Variants in FTCD observed in about 807,000 individuals in gnomAD.
The protein encoded by FTCD is formimidoyltransferase cyclodeaminase, also known as formimidoyltransferase-cyclodeaminase.
Under a neutral mutation model 62.9 loss-of-function variants are expected in FTCD, and 76 were observed. The ratio of observed to expected loss-of-function variants is 1.21; its 90% CI spans 1.00 to 1.46. The LOEUF (loss-of-function observed/expected upper bound fraction) is 1.46, where lower values mean the gene tolerates loss of function less well. Among genes scored for constraint, FTCD ranks in the 40% most tolerant of loss-of-function variants. The probability of loss-of-function intolerance (pLI) is 0.00; values close to 1 mark genes in which losing one functional copy is unlikely to be tolerated. For synonymous variants in FTCD, 397 were observed against 336.9 expected, an observed-to-expected ratio of 1.18 and a Z score of -1.95; for missense variants, 845 against 751.3, an observed-to-expected ratio of 1.12 and a Z score of -1.46.
chr21:46,136,543 C>T, downstream of FTCD: 1 of 1,604,812 alleles, frequency 6.2e-7, no homozygotes, highest in Non-Finnish European at 8.5e-7. Context: ...CAAGGGGCCT[C>T]ACAGCCCAGG....
chr21:46,141,333 T>A (rs1455885842), intron 10 of FTCD, among the ~76,000 whole-genome samples: 28 of 151,220 alleles, frequency 1.9e-4, no homozygotes, highest in Admixed American at 1.8e-3. Context: ...GGTGGGTAAA[T>A]ACAGGGTCTT....
rs766229264 is a variant in FTCD at position 46,138,666 on chromosome 21, A to T, written c.1305-20T>A. ...GTGCGCCTGAAAGGAGCAAGAGGAGAGCCTGAGCACAGCGGCACACACAGG... is the reference window on the plus strand; with the variant it reads ...GTGCGCCTGAAAGGAGCAAGAGGAGTGCCTGAGCACAGCGGCACACACAGG... On this transcript the variant is annotated intron_variant, in intron 11 of 13. Coordinates refer to ENST00000397746, the MANE Select transcript of FTCD (RefSeq NM_206965.2). The T allele has an allele frequency of 6.3e-7, 1 of 1,595,572 alleles. No homozygotes were observed. Among genetic ancestry groups the T allele is most frequent in the African/African-American group, 1.3e-5 (1 of 74,934 alleles).
chr21:46,146,709 A>C (rs2079156458), intron 7 of FTCD: 3 of 309,200 alleles, frequency 9.7e-6, no homozygotes, highest in Admixed American at 4.5e-5. Context: ...CCAAGTCTTC[A>C]CATCTAACAA....
At chr21:46,152,330 G>C (rs4819208) in intron 3 of FTCD, 1 of 254,178 alleles carries the variant, frequency 3.9e-6, no homozygotes. Context: ...CGGCAGAGAA[G>C]AGGAAAAACT....
rs185635683 is a variant in FTCD at position 46,141,611 on chromosome 21, A to C, written c.1261-2688T>G. On this transcript the variant is annotated intron_variant, in intron 10 of 13. Transcript: ENST00000397746. ...TATAAAGTCAGGATTGACACATTCC[A>C]CGACATAAAGATTAAGAGTCATTGT... Among the ~76,000 whole-genome samples the C allele has an allele frequency of 3.3e-5, 5 of 152,190 alleles. No individual in the cohort carries two copies. The East Asian group carries it at 9.7e-4, about 29-fold the overall frequency.
chr21:46,146,236 T>G, intron 8 of FTCD, 30 bp downstream of exon 8: 1 of 1,512,186 alleles, frequency 6.6e-7, no homozygotes, highest in Non-Finnish European at 9.1e-7. Context: ...CCGGGAGGGG[T>G]GAGAAGAGGG....
intron 7 of FTCD, 39 bp from the exon 8 acceptor site, chr21:46,146,366 T>C: frequency 7.0e-7 from 1 of 1,426,052 alleles, no homozygotes; most frequent in Non-Finnish European, 9.7e-7. Context: ...CCTCGGCGCG[T>C]CTCCACCACC....
At chr21:46,138,977 G>A (rs1671364821) in intron 10 of FTCD, 54 bp from the exon 11 acceptor site, 1 of 1,346,538 alleles carries the variant, frequency 7.4e-7, no homozygotes. Context: ...GAGCAGCCAT[G>A]CCCTCTGAGC....
intron 13 of FTCD, 46 bp downstream of exon 13, chr21:46,137,193 C>G: frequency 1.3e-6 from 2 of 1,581,060 alleles, no homozygotes; most frequent in Non-Finnish European, 1.7e-6. Context: ...GCTGTGAATC[C>G]AGGCCCCCAC....
intron 3 of FTCD, 53 bp from the exon 4 acceptor site, chr21:46,152,033 G>T: frequency 7.7e-7 from 1 of 1,294,304 alleles, no homozygotes; most frequent in Non-Finnish European, 1.1e-6. Flanking sequence ...CCAGGACTCA[G>T]TTCCTGGAGG....
intron 7 of FTCD, among the ~76,000 whole-genome samples, chr21:46,147,965 A>G (rs1045135719): frequency 6.6e-6 from 1 of 151,522 alleles, no homozygotes; most frequent in Non-Finnish European, 1.5e-5. Flanking sequence ...AAAAAAGAAG[A>G]AGACAAAACG....
chr21:46,153,177 G>C (rs1490167149), intron 2 of FTCD, 142 bp from the exon 3 acceptor site: 1 of 845,338 alleles, frequency 1.2e-6, no homozygotes, highest in African/African-American at 1.7e-5. Context: ...CTGACCCACA[G>C]GGAGGAGGCC....
In FTCD at chr21:46,154,350, C is replaced by T. The variant is rs2079379478; in HGVS notation, c.55-18G>A. The T allele has an allele frequency of 1.2e-6, 2 of 1,604,130 alleles. No homozygotes were observed. The highest frequency in any genetic ancestry group is 1.7e-6 in the Non-Finnish European group (2 of 1,176,960). Reference sequence around the variant, plus strand: ...TCGATCACCTGGGACACAGGCCCGGCCCCCACACCTCAGTCTCCCCGTTTG... The same window carrying T: ...TCGATCACCTGGGACACAGGCCCGGTCCCCACACCTCAGTCTCCCCGTTTG... On this transcript the variant is annotated intron_variant, in intron 1 of 13. Coordinates refer to ENST00000397746, the MANE Select transcript of FTCD (RefSeq NM_206965.2).
intron 7 of FTCD, among the ~76,000 whole-genome samples, chr21:46,147,089 C>T (rs759490702): frequency 6.6e-6 from 1 of 152,248 alleles, no homozygotes; most frequent in Non-Finnish European, 1.5e-5. Context: ...GCCTGCCAGC[C>T]TGGAGCTGGG....
At chr21:46,141,310 T>C (rs1323859083) in intron 10 of FTCD, among the ~76,000 whole-genome samples, 2 of 151,844 alleles carry the variant, frequency 1.3e-5, no homozygotes, top group Non-Finnish European at 2.9e-5. Flanking sequence ...TTTATTTTTT[T>C]TTTTTCTTTT....
chr21:46,149,534 C>T (rs1167462820), intron 7 of FTCD, among the ~76,000 whole-genome samples: 2 of 152,264 alleles, frequency 1.3e-5, no homozygotes, highest in African/African-American at 4.8e-5. Context: ...ACAAAGTGAC[C>T]TTGAGTGAAA....
chr21:46,138,479 G>A, intron 12 of FTCD, 29 bp downstream of exon 12: 1 of 1,567,674 alleles, frequency 6.4e-7, no homozygotes, highest in East Asian at 2.3e-5. Flanking sequence ...TTTGCGGCAG[G>A]AGGCCTGGGG....
intron 3 of FTCD, 35 bp downstream of exon 3, chr21:46,152,872 G>T (rs754151451): frequency 5.1e-5 from 79 of 1,538,972 alleles, no homozygotes; most frequent in Non-Finnish European, 1.7e-5. Context: ...CAATGAGACG[G>T]GAGCAGAGTG....
Position 46,138,137 on chromosome 21 carries a change from C to T in FTCD, c.1443+371G>A, listed in dbSNP as rs139004336. The stretch of plus-strand genomic sequence containing the variant: ...ACCTCCTCTATTCAAGTGATCCTCC[C>T]GCCTCAGCCTCCCAAAGTGCTGGGA... On this transcript the variant is annotated intron_variant, in intron 12 of 13. Coordinates refer to ENST00000397746, the MANE Select transcript of FTCD (RefSeq NM_206965.2). Among the ~76,000 whole-genome samples, 360 of 152,156 alleles carry T rather than the reference C, an allele frequency of 2.4e-3. 2 individuals are homozygous for T. Among genetic ancestry groups the T allele is most frequent in the African/African-American group, 8.3e-3 (343 of 41,500 alleles).
Sources: gnomAD v4.1 joint callset for allele counts (sites outside exome capture counted in the v4.1 genomes callset) on GRCh38, gnomAD v4.1.1 for gene constraint, MANE v1.5 for transcripts, NCBI Gene and HGNC (gene_info 2026-07-23, HGNC 2026-07-21) for gene names.